Variants in RGS5 observed in about 807,000 individuals in gnomAD.
RGS5 encodes the protein regulator of G-protein signalling 5.
Under a neutral mutation model 18.9 loss-of-function variants are expected in RGS5, and 20 were observed. That is an observed-to-expected ratio of 1.06 (90% CI 0.74 to 1.54). The LOEUF (loss-of-function observed/expected upper bound fraction) is 1.54. Among genes scored for constraint, RGS5 ranks in the 40% most tolerant of loss-of-function variants. The pLI is 0.00. For synonymous variants in RGS5, 57 were observed against 76.2 expected, an observed-to-expected ratio of 0.75 and a Z score of 1.31; for missense variants, 201 against 211.8, an observed-to-expected ratio of 0.95 and a Z score of 0.32.
At chr1:163,288,146 T>C (rs3010366) in intron 2 of RGS5, among the ~76,000 whole-genome samples, 35,956 of 152,014 alleles carry the variant, frequency 0.24, 5,574 homozygotes, top group East Asian at 0.66. Context: ...CTTTTTTTTT[T>C]TTCAGGTAAT....
At chr1:163,224,983 C>T (rs187237068) in intron 2 of RGS5, among the ~76,000 whole-genome samples, 4 of 152,148 alleles carry the variant, frequency 2.6e-5, no homozygotes, top group South Asian at 4.2e-4. Flanking sequence ...TAGGTTGTCT[C>T]GTCACTCTGT....
At chr1:163,272,779 T>C (rs1038780515) in intron 2 of RGS5, among the ~76,000 whole-genome samples, 2 of 152,128 alleles carry the variant, frequency 1.3e-5, no homozygotes, top group African/African-American at 2.4e-5. Flanking sequence ...CTCTTTTTCA[T>C]TGATCTATAT....
At chr1:163,238,746 T>C in intron 2 of RGS5, 1 of 234,132 alleles carries the variant, frequency 4.3e-6, no homozygotes, top group Non-Finnish European at 9.2e-6. Context: ...TAGGTTTATC[T>C]GCTAATTAAA....
upstream of RGS5, among the ~76,000 whole-genome samples, chr1:163,219,108 C>T (rs1303721963): frequency 1.5e-5 from 2 of 134,904 alleles, no homozygotes; most frequent in Non-Finnish European, 3.3e-5. Flanking sequence ...ATGTATTTGT[C>T]TTACTCTTTA....
At position 163,148,445 on chromosome 1, in the gene RGS5, G is replaced by C. The variant is rs534039620; in HGVS notation, c.385-942C>G. Among the ~76,000 whole-genome samples the C allele has an allele frequency of 5.3e-5, 8 of 152,240 alleles. No homozygotes were observed. The South Asian group carries it at 1.7e-3, about 32-fold the overall frequency. On this transcript the variant is annotated intron_variant, in intron 4 of 4. Transcript: ENST00000313961. The stretch of plus-strand genomic sequence containing the variant: ...AGCAATTAACATTTATTGAGTGCTC[G>C]GTCGGTGCCAGGCACTTTGCACGGA...
intron 1 of RGS5, among the ~76,000 whole-genome samples, chr1:163,316,269 CAT>C (rs1228865194): frequency 6.6e-6 from 1 of 152,176 alleles, no homozygotes; most frequent in African/African-American, 2.4e-5. Context: ...TATTTCCTCT[CAT>C]ATGAAACATT....
intron 1 of RGS5, among the ~76,000 whole-genome samples, chr1:163,215,572 T>G (rs1440240822): frequency 6.6e-6 from 1 of 152,160 alleles, no homozygotes. Context: ...AGTTAGACAA[T>G]AGGAGGACCA....
intron 1 of RGS5, among the ~76,000 whole-genome samples, chr1:163,320,014 T>C (rs1650141766): frequency 6.6e-6 from 1 of 152,198 alleles, no homozygotes; most frequent in African/African-American, 2.4e-5. Flanking sequence ...AATTTACTTC[T>C]AATATAACTC....
chr1:163,172,609 G>A (rs905039839), intron 1 of RGS5: 1 of 1,549,750 alleles, frequency 6.5e-7, no homozygotes, highest in South Asian at 1.2e-5. Flanking sequence ...ATGTAAGGGA[G>A]AAAAGATATT....
At chr1:163,295,122 C>T (rs992084125) in intron 2 of RGS5, among the ~76,000 whole-genome samples, 2 of 152,204 alleles carry the variant, frequency 1.3e-5, no homozygotes, top group African/African-American at 4.8e-5. Context: ...TCTGAGCCCT[C>T]CAAACTCCTC....
intron 2 of RGS5, among the ~76,000 whole-genome samples, chr1:163,242,391 A>C (rs1365086464): frequency 6.6e-6 from 1 of 152,230 alleles, no homozygotes; most frequent in Non-Finnish European, 1.5e-5. Flanking sequence ...GAAACTGTAA[A>C]TACCAAATAA....
At chr1:163,204,321 AC>A (rs1659887278), upstream of RGS5, among the ~76,000 whole-genome samples, 1 of 151,676 alleles carries the variant, frequency 6.6e-6, no homozygotes, top group Non-Finnish European at 1.5e-5. Flanking sequence ...ACACACACAC[AC>A]ACACACACAC....
upstream of RGS5, among the ~76,000 whole-genome samples, chr1:163,220,841 T>C (rs1647215641): frequency 6.6e-6 from 1 of 152,082 alleles, no homozygotes; most frequent in African/African-American, 2.4e-5. Context: ...GAAGGAGATC[T>C]GATGATGGAA....
chr1:163,234,358 C>T (rs1647565237), intron 2 of RGS5, among the ~76,000 whole-genome samples: 1 of 152,096 alleles, frequency 6.6e-6, no homozygotes, highest in African/African-American at 2.4e-5. Context: ...ATGCACAGTA[C>T]CACTTGGTAC....
chr1:163,246,205 A>C (rs1471398823), intron 2 of RGS5, among the ~76,000 whole-genome samples: 1 of 149,920 alleles, frequency 6.7e-6, no homozygotes, highest in African/African-American at 2.4e-5. Context: ...TGGGCGACAG[A>C]GCGAGACTCC....
chr1:163,210,989 T>C (rs1174819878), intron 1 of RGS5: 1 of 152,178 alleles, frequency 6.6e-6, no homozygotes, highest in Non-Finnish European at 1.5e-5. Flanking sequence ...ATTATGCATA[T>C]GGAAGACTCA....
At chr1:163,206,809 A>G (rs1659965692), upstream of RGS5, 1 of 152,116 alleles carries the variant, frequency 6.6e-6, no homozygotes, top group African/African-American at 2.4e-5. Context: ...CCAGAAATAA[A>G]TTTCTTTTGT....
intron 1 of RGS5, chr1:163,172,467 GT>G: frequency 7.0e-7 from 1 of 1,429,246 alleles, no homozygotes; most frequent in Non-Finnish European, 9.5e-7. Flanking sequence ...CTTAAATAGA[GT>G]TTTTTGTGGA....
intron 2 of RGS5, among the ~76,000 whole-genome samples, chr1:163,281,286 C>T (rs904230057): frequency 6.6e-6 from 1 of 152,048 alleles, no homozygotes; most frequent in Admixed American, 6.6e-5. Context: ...TGAAAATGGA[C>T]TAATACATTG....
Sources: gnomAD v4.1 joint callset for allele counts (sites outside exome capture counted in the v4.1 genomes callset) on GRCh38, gnomAD v4.1.1 for gene constraint, MANE v1.5 for transcripts, NCBI Gene and HGNC (gene_info 2026-07-23, HGNC 2026-07-21) for gene names.